LRRC4C: variants seen among roughly 807,000 people sequenced by gnomAD.
The protein encoded by LRRC4C is leucine-rich repeat-containing protein 4C.
In LRRC4C, 5 loss-of-function variants were observed where a neutral mutation model predicts 33.6. The observed-to-expected ratio is 0.15, with a 90% CI of 0.08 to 0.31. The LOEUF is 0.31. Ranked by LOEUF, LRRC4C falls within the 10% of genes least tolerant of loss-of-function variation. The pLI, the probability that LRRC4C is intolerant of heterozygous loss-of-function variation, is 1.00. For synonymous variants in LRRC4C, 329 were observed against 302.0 expected (o/e 1.09, Z -0.93); for missense variants, 560 against 796.7 (o/e 0.70, Z 3.58).
chr11:40,918,543 T>A (rs1171200159), intron 2 of LRRC4C, among the ~76,000 whole-genome samples: 1 of 152,102 alleles, frequency 6.6e-6, no homozygotes, highest in Non-Finnish European at 1.5e-5. Context: ...TTTAGCAACC[T>A]TCTTTTAGGA....
chr11:40,935,038 A>C (rs75446928), intron 1 of LRRC4C, among the ~76,000 whole-genome samples: 132 of 152,262 alleles, frequency 8.7e-4, no homozygotes, highest in African/African-American at 3.1e-3. Flanking sequence ...ATTACCGTCT[A>C]GCATACAACA....
chr11:40,150,021 C>T (rs1858060735), intron 5 of LRRC4C, among the ~76,000 whole-genome samples: 1 of 152,178 alleles, frequency 6.6e-6, no homozygotes, highest in South Asian at 2.1e-4. Context: ...CAGGGCTGTA[C>T]TCCTTTCAAA....
At chr11:40,793,151 TA>T (rs939924177) in intron 2 of LRRC4C, among the ~76,000 whole-genome samples, 2 of 151,686 alleles carry the variant, frequency 1.3e-5, no homozygotes, top group African/African-American at 2.4e-5. Flanking sequence ...AAATTAAAAA[TA>T]AAAAAAGAAA....
intron 3 of LRRC4C, among the ~76,000 whole-genome samples, chr11:40,594,670 A>G (rs1959190372): frequency 6.6e-6 from 1 of 152,208 alleles, no homozygotes; most frequent in Admixed American, 6.5e-5. Context: ...TCAGTATTTA[A>G]CAAAACAGAT....
chr11:40,572,160 A>G (rs1190504799), intron 3 of LRRC4C, among the ~76,000 whole-genome samples: 1 of 152,214 alleles, frequency 6.6e-6, no homozygotes, highest in East Asian at 1.9e-4. Flanking sequence ...CATATGGGGA[A>G]CACAACTTTT....
chr11:40,426,697 T>A (rs1950729360), intron 3 of LRRC4C, among the ~76,000 whole-genome samples: 1 of 152,230 alleles, frequency 6.6e-6, no homozygotes, highest in African/African-American at 2.4e-5. Flanking sequence ...ATGTTGTTGA[T>A]TTTGTTCATG....
intron 1 of LRRC4C, among the ~76,000 whole-genome samples, chr11:41,372,621 A>G (rs1403609563): frequency 1.3e-5 from 2 of 152,170 alleles, no homozygotes; most frequent in African/African-American, 4.8e-5. Flanking sequence ...TTGGAGACAC[A>G]GATACTCTCA....
intron 1 of LRRC4C, among the ~76,000 whole-genome samples, chr11:41,397,120 T>C (rs1490360703): frequency 6.6e-6 from 1 of 151,932 alleles, no homozygotes; most frequent in African/African-American, 2.4e-5. Flanking sequence ...CATTCCAGAA[T>C]CCAGAATCAA....
chr11:41,021,479 C>T (rs1334924541), intron 1 of LRRC4C, among the ~76,000 whole-genome samples: 1 of 151,972 alleles, frequency 6.6e-6, no homozygotes, highest in African/African-American at 2.4e-5. Flanking sequence ...ATACTAAACC[C>T]TAAGTGGATG....
At chr11:40,945,023 CTT>C (rs767515626) in intron 1 of LRRC4C, among the ~76,000 whole-genome samples, 4 of 111,118 alleles carry the variant, frequency 3.6e-5, no homozygotes, top group Admixed American at 8.9e-5. Context: ...TGCAGTTTTT[CTT>C]TTTTTTTTTT....
At chr11:41,440,336 G>A (rs1955574987) in intron 1 of LRRC4C, among the ~76,000 whole-genome samples, 1 of 152,098 alleles carries the variant, frequency 6.6e-6, no homozygotes, top group African/African-American at 2.4e-5. Context: ...AAAAATTACT[G>A]ACATGGCATA....
intron 3 of LRRC4C, among the ~76,000 whole-genome samples, chr11:40,349,735 T>C (rs1429455527): frequency 1.3e-5 from 2 of 152,136 alleles, no homozygotes; most frequent in Non-Finnish European, 2.9e-5. Flanking sequence ...CCAGCATTTG[T>C]TATTGCCTGT....
intron 2 of LRRC4C, among the ~76,000 whole-genome samples, chr11:40,908,137 T>A (rs1956507857): frequency 6.6e-6 from 1 of 152,120 alleles, no homozygotes; most frequent in Admixed American, 6.5e-5. Flanking sequence ...TAGTACTTTA[T>A]ATAAAGATTT....
At chr11:40,534,225 T>G (rs1956384568) in intron 3 of LRRC4C, among the ~76,000 whole-genome samples, 1 of 150,538 alleles carries the variant, frequency 6.6e-6, no homozygotes, top group South Asian at 2.1e-4. Context: ...TGTGTCCAAT[T>G]ATTATTATTA....
intron 3 of LRRC4C, among the ~76,000 whole-genome samples, chr11:40,536,368 A>G (rs1956472733): frequency 6.6e-6 from 1 of 151,964 alleles, no homozygotes; most frequent in Non-Finnish European, 1.5e-5. Context: ...TAATTTTTGT[A>G]TTTTTAGTAG....
chr11:41,231,813 A>G (rs1387089533), intron 1 of LRRC4C, among the ~76,000 whole-genome samples: 2 of 151,904 alleles, frequency 1.3e-5, no homozygotes, highest in Non-Finnish European at 2.9e-5. Flanking sequence ...AAATATATGT[A>G]GATATACACA....
intron 1 of LRRC4C, among the ~76,000 whole-genome samples, chr11:40,996,334 T>C (rs576164014): frequency 4.1e-4 from 63 of 152,116 alleles, no homozygotes; most frequent in African/African-American, 1.5e-3. Context: ...TTTGTGATTC[T>C]AGCTATTTTC....
At chr11:40,458,918 G>T (rs1413980215) in intron 3 of LRRC4C, among the ~76,000 whole-genome samples, 2 of 151,992 alleles carry the variant, frequency 1.3e-5, no homozygotes, top group African/African-American at 4.8e-5. Context: ...TAGTTAATCA[G>T]TTAAGTTCTT....
intron 2 of LRRC4C, among the ~76,000 whole-genome samples, chr11:40,835,412 G>A (rs1952625883): frequency 6.6e-6 from 1 of 152,114 alleles, no homozygotes; most frequent in Admixed American, 6.5e-5. Context: ...CTGATGCTAA[G>A]TTCACAGACT....
Sources: allele counts gnomAD v4.1 joint callset (sites outside exome capture counted in the v4.1 genomes callset), GRCh38; gene constraint gnomAD v4.1.1; transcripts MANE v1.5; gene names NCBI Gene and HGNC (gene_info 2026-07-23, HGNC 2026-07-21).